CDIP1: variants seen among roughly 807,000 people sequenced by gnomAD.
CDIP1 encodes the protein cell death-inducing p53-target protein 1.
CDIP1 carries 9 observed loss-of-function variants against 17.7 expected under a neutral mutation model. That is an observed-to-expected ratio of 0.51 (90% CI 0.31 to 0.89). The LOEUF is 0.89. CDIP1 is among the 40% of genes least tolerant of loss of function. CDIP1 has a pLI of 0.05. For missense variants in CDIP1, 263 were observed against 277.9 expected, an observed-to-expected ratio of 0.95 and a Z score of 0.38; for synonymous variants, 117 against 109.5, an observed-to-expected ratio of 1.07 and a Z score of -0.43.
At chr16:4,534,109 C>A (rs968959977) in intron 1 of CDIP1, among the ~76,000 whole-genome samples, 11 of 152,094 alleles carry the variant, frequency 7.2e-5, no homozygotes, top group African/African-American at 2.7e-4. Context: ...TGCCCCCACA[C>A]CTGGTTAATT....
rs1055529311 is a variant in CDIP1 at position 4,510,969 on chromosome 16, G to A, written c.*1603C>T. 2.0e-5 allele frequency: 3 copies of A among 152,254 alleles called. No individual in the cohort carries two copies. The highest frequency in any genetic ancestry group is 7.2e-5 in the African/African-American group (3 of 41,458). 9.4% of individuals were successfully genotyped at this position (152,254 alleles called of 1,614,324 possible). A position where few individuals can be genotyped will look rare whatever the true frequency, so the allele number is the denominator to read the frequency against. On this transcript the variant is annotated 3_prime_UTR_variant, in exon 6 of 6. Coordinates refer to ENST00000567695, the MANE Select transcript of CDIP1 (RefSeq NM_013399.3). ...CCTCCCCAGGGCTGGATGATGCTGT[G>A]CTCAAGCCTGCGGGTAGGAGGGCTC...
intron 1 of CDIP1, chr16:4,533,216 C>G (rs1478470829): frequency 6.6e-6 from 1 of 152,298 alleles, no homozygotes; most frequent in Non-Finnish European, 1.5e-5. Context: ...TCATGGGCTT[C>G]ACAGCCCTGC....
Position 4,512,744 on chromosome 16 carries a change from G to C in CDIP1, c.515+47C>G. The C allele has an allele frequency of 1.2e-6, 2 of 1,603,460 alleles. No individual in the cohort carries two copies. Among genetic ancestry groups the C allele is most frequent in the Non-Finnish European group, 1.7e-6 (2 of 1,173,294 alleles). On this transcript the variant is annotated intron_variant, in intron 5 of 5. Coordinates refer to ENST00000567695, the MANE Select transcript of CDIP1 (RefSeq NM_013399.3). This position sits in a 1 kb window ranked among gnomAD's most constrained non-coding sequence, Gnocchi z 4.6. Reference sequence around the variant, plus strand: ...GCTGCGGAGGAGGCAGAGGCAGCCAGTTGACCCTGGTGCAGCCCCCACCCT... The same window carrying C: ...GCTGCGGAGGAGGCAGAGGCAGCCACTTGACCCTGGTGCAGCCCCCACCCT...
intron 1 of CDIP1, among the ~76,000 whole-genome samples, chr16:4,534,371 G>GA (rs34045750): frequency 6.6e-6 from 1 of 152,154 alleles, no homozygotes; most frequent in African/African-American, 2.4e-5. Flanking sequence ...ATCCAGACAG[G>GA]AAAAAACACC....
At chr16:4,527,441 T>C (rs2059011715) in intron 1 of CDIP1, among the ~76,000 whole-genome samples, 1 of 152,202 alleles carries the variant, frequency 6.6e-6, no homozygotes, top group Non-Finnish European at 1.5e-5. Context: ...ACTCAAAGAA[T>C]GGTTCTAAAC....
At position 4,512,807 on chromosome 16, in the gene CDIP1, A is replaced by G. The variant is rs1292533355; in HGVS notation, c.499T>C (p.Phe167Leu). The change falls in exon 5 of 6, where the codon TTC (phenylalanine) becomes CTC (leucine). Residue 167 changes from phenylalanine (F) to leucine (L), a missense_variant. Coordinates refer to ENST00000567695, the MANE Select transcript of CDIP1 (RefSeq NM_013399.3). This position sits in a 1 kb window ranked among gnomAD's most constrained non-coding sequence, Gnocchi z 4.6. ...ACCACCTACCCCATGAAGCAACAGA[A>G]GAAACCCAGCACGAAATTCATCAAG... is the stretch of plus-strand genomic sequence containing the variant. ...IGLMNFVLGF[F>L]CCFMGCDLGC... 1.3e-6 allele frequency: 2 copies of G among 1,573,686 alleles called. No individual in the cohort carries two copies. The highest frequency in any genetic ancestry group is 3.8e-5 in the Admixed American group (2 of 52,564).
rs1271414175 is a variant in CDIP1, at chr16:4,513,357, T to G, written c.242-293A>C. ...TCTGCTCCTCTGTCTGTCTCCAGCATGCAAGGACAGGGCACTCAGCCTCAA... is the reference window on the plus strand; with the variant it reads ...TCTGCTCCTCTGTCTGTCTCCAGCAGGCAAGGACAGGGCACTCAGCCTCAA... On this transcript the variant is annotated intron_variant, in intron 4 of 5. Coordinates refer to ENST00000567695, the MANE Select transcript of CDIP1 (RefSeq NM_013399.3). This position sits in a 1 kb window ranked among gnomAD's most constrained non-coding sequence, Gnocchi z 4.1. 6.6e-6 allele frequency among the ~76,000 whole-genome samples: 1 copy of G among 152,106 alleles called. No individual in the cohort carries two copies. Among genetic ancestry groups the G allele is most frequent in the Non-Finnish European group, 1.5e-5 (1 of 67,994 alleles).
chr16:4,520,143 C>T (rs1239235441), intron 1 of CDIP1, among the ~76,000 whole-genome samples: 3 of 150,690 alleles, frequency 2.0e-5, no homozygotes, highest in East Asian at 1.9e-4. Context: ...GACAGAGTCT[C>T]GCTCTATCAC....
intron 1 of CDIP1, chr16:4,533,194 A>AG (rs1244322238): frequency 1.3e-5 from 2 of 152,252 alleles, no homozygotes; most frequent in Non-Finnish European, 2.9e-5. Flanking sequence ...AGCAGAGAAA[A>AG]GGTGAGGCCT....
chr16:4,521,964 G>A (rs760192553), intron 1 of CDIP1, among the ~76,000 whole-genome samples: 6 of 152,206 alleles, frequency 3.9e-5, no homozygotes, highest in Non-Finnish European at 8.8e-5. Flanking sequence ...GCTTTATTAG[G>A]CAACTTCCAA....
intron 1 of CDIP1, among the ~76,000 whole-genome samples, chr16:4,530,337 G>C (rs1596495573): frequency 6.6e-6 from 1 of 152,316 alleles, no homozygotes; most frequent in South Asian, 2.1e-4. Context: ...TGAATTAGTA[G>C]TTTACACTGC....
intron 1 of CDIP1, among the ~76,000 whole-genome samples, chr16:4,518,154 G>GCA (rs370403344): frequency 9.9e-5 from 15 of 151,444 alleles, no homozygotes; most frequent in South Asian, 4.2e-4. Context: ...CTTGCAGGGA[G>GCA]CACACACACA....
chr16:4,527,306 C>T (rs887310335), intron 1 of CDIP1, among the ~76,000 whole-genome samples: 4 of 152,094 alleles, frequency 2.6e-5, no homozygotes, highest in Non-Finnish European at 5.9e-5. Context: ...CCAGGGTGGT[C>T]TTGATCTCAT....
intron 1 of CDIP1, among the ~76,000 whole-genome samples, chr16:4,536,949 C>T (rs991583187): frequency 1.3e-5 from 2 of 152,038 alleles, no homozygotes; most frequent in African/African-American, 2.4e-5. Flanking sequence ...ATAAATGAAC[C>T]TTTGTAAGAG....
In CDIP1 at chr16:4,513,603, C is replaced by T. The variant is rs2058856020; in HGVS notation, c.241+93G>A. On this transcript the variant is annotated intron_variant, in intron 4 of 5. Transcript: ENST00000567695. The surrounding 1 kb of genome is among the most constrained non-coding windows in gnomAD (Gnocchi z 4.1). Reference sequence around the variant, plus strand: ...TGGGCGTGTTGGAGTCCCTGCCCTACAGCAGATGCCCACCTGTACTGAGGA... The same window carrying T: ...TGGGCGTGTTGGAGTCCCTGCCCTATAGCAGATGCCCACCTGTACTGAGGA... 3.5e-6 allele frequency: 4 copies of T among 1,145,306 alleles called. No individual in the cohort carries two copies. The highest frequency in any genetic ancestry group is 5.1e-6 in the Non-Finnish European group (4 of 784,038). The allele number at this position is 1,145,306 out of a possible 1,614,324, so 70.9% of individuals were successfully genotyped here.
Position 4,513,115 on chromosome 16 carries a change from A to G in CDIP1, c.242-51T>C. 1 of 1,501,708 alleles carries G rather than the reference A, an allele frequency of 6.7e-7. No homozygotes were observed. Among genetic ancestry groups the G allele is most frequent in the Non-Finnish European group, 8.9e-7 (1 of 1,128,854 alleles). 93.0% of individuals were successfully genotyped at this position (1,501,708 alleles called of 1,614,324 possible). On this transcript the variant is annotated intron_variant, in intron 4 of 5. Coordinates refer to ENST00000567695, the MANE Select transcript of CDIP1 (RefSeq NM_013399.3). The surrounding 1 kb of genome is among the most constrained non-coding windows in gnomAD (Gnocchi z 4.1). ...GAGAGGTCACTGGCCTGCCACCTGC[A>G]CCAGACAAAGAGATTGGCGCAAAGC... is the stretch of plus-strand genomic sequence containing the variant.
intron 1 of CDIP1, among the ~76,000 whole-genome samples, chr16:4,528,683 C>CAAAAA (rs374609894): frequency 2.4e-4 from 12 of 50,940 alleles, no homozygotes; most frequent in Non-Finnish European, 3.7e-4. Context: ...AACCCTGTCT[C>CAAAAA]AAAAAAAAAA....
At chr16:4,527,510 C>T (rs757502938) in intron 1 of CDIP1, among the ~76,000 whole-genome samples, 5 of 152,130 alleles carry the variant, frequency 3.3e-5, no homozygotes, top group Non-Finnish European at 7.3e-5. Flanking sequence ...CAATTTATAT[C>T]ATGCTGAATT....
Position 4,519,588 on chromosome 16 carries a change from G to T in CDIP1, c.-104-4924C>A, listed in dbSNP as rs557315986. Among the ~76,000 whole-genome samples, 4 of 152,340 alleles carry T rather than the reference G, an allele frequency of 2.6e-5. No homozygotes were observed. The East Asian group carries it at 7.7e-4, about 29-fold the overall frequency. Reference sequence around the variant, plus strand: ...AAGGCCCTTGCCAGATGCTGGCAGTGCCTTGATCCTGGACTTCCCAAGCAC... The same window carrying T: ...AAGGCCCTTGCCAGATGCTGGCAGTTCCTTGATCCTGGACTTCCCAAGCAC... On this transcript the variant is annotated intron_variant, in intron 1 of 5. Coordinates refer to ENST00000567695, the MANE Select transcript of CDIP1 (RefSeq NM_013399.3).
Sources: gnomAD v4.1 joint callset for allele counts (sites outside exome capture counted in the v4.1 genomes callset) on GRCh38, gnomAD v4.1.1 for gene constraint, Gnocchi (gnomAD v3.1) non-coding constraint, MANE v1.5 for transcripts, NCBI Gene and HGNC (gene_info 2026-07-23, HGNC 2026-07-21) for gene names.